The following SLC4A4 variants were observed in gnomAD, a reference collection of about 807,000 sequenced individuals.
SLC4A4 encodes solute carrier family 4 member 4.
SLC4A4 carries 27 observed loss-of-function variants against 111.5 expected under a neutral mutation model. The ratio of observed to expected loss-of-function variants is 0.24; its 90% confidence interval spans 0.18 to 0.33. The LOEUF (loss-of-function observed/expected upper bound fraction) is 0.33. Among genes scored for constraint, SLC4A4 ranks in the 10% least tolerant of loss-of-function variants. The probability of loss-of-function intolerance (pLI) is 1.00; values close to 1 mark genes in which losing one functional copy is unlikely to be tolerated. For missense variants in SLC4A4, 909 were observed against 1,315.5 expected, an observed-to-expected ratio of 0.69 and a Z score of 4.78; for synonymous variants, 443 against 463.4, an observed-to-expected ratio of 0.96 and a Z score of 0.57.
At chr4:71,545,831 A>G (rs764121329) in intron 18 of SLC4A4, among the ~76,000 whole-genome samples, 50 of 152,068 alleles carry the variant, frequency 3.3e-4, no homozygotes, top group Non-Finnish European at 5.7e-4. Context: ...AGCGCTGTCC[A>G]GTAGAGAAGG....
intron 18 of SLC4A4, among the ~76,000 whole-genome samples, chr4:71,539,275 A>G (rs1255242399): frequency 6.6e-6 from 1 of 151,946 alleles, no homozygotes; most frequent in African/African-American, 2.4e-5. Context: ...TCATTCCAAA[A>G]GCCTTCATTT....
intron 2 of SLC4A4, among the ~76,000 whole-genome samples, chr4:71,124,137 GA>G (rs1383022850): frequency 1.3e-5 from 2 of 150,936 alleles, no homozygotes; most frequent in Non-Finnish European, 2.9e-5. Context: ...AATAACCACA[GA>G]ACACATATCA....
chr4:71,524,034 T>G (rs1733199195), intron 16 of SLC4A4, among the ~76,000 whole-genome samples: 1 of 152,100 alleles, frequency 6.6e-6, no homozygotes, highest in Non-Finnish European at 1.5e-5. Flanking sequence ...TACCTTTCCG[T>G]AGCCTCTGTC....
At chr4:71,382,551 A>G (rs1036699940) in intron 6 of SLC4A4, among the ~76,000 whole-genome samples, 1 of 152,158 alleles carries the variant, frequency 6.6e-6, no homozygotes. Flanking sequence ...CTTACCTGGG[A>G]TATTGAAACA....
At chr4:71,443,116 C>CTCTCTCTCTCTCTCTATA (rs1198759861) in intron 8 of SLC4A4, among the ~76,000 whole-genome samples, 2 of 65,652 alleles carry the variant, frequency 3.0e-5, no homozygotes, top group South Asian at 5.3e-4. Context: ...CTCTCTCTCT[C>CTCTCTCTCTCTCTCTATA]TATATATATA....
At chr4:71,312,464 A>C (rs1293124059) in intron 3 of SLC4A4, among the ~76,000 whole-genome samples, 1 of 152,216 alleles carries the variant, frequency 6.6e-6, no homozygotes, top group African/African-American at 2.4e-5. Flanking sequence ...GCAGAGACAC[A>C]ACAAGAAAAG....
At chr4:71,277,410 C>T (rs1560839313) in intron 3 of SLC4A4, among the ~76,000 whole-genome samples, 1 of 151,968 alleles carries the variant, frequency 6.6e-6, no homozygotes, top group Non-Finnish European at 1.5e-5. Flanking sequence ...TGTTGAGTAT[C>T]TTTTTTGCCA....
chr4:71,557,973 G>C (rs1389049827), intron 22 of SLC4A4, 88 bp downstream of exon 22: 7 of 1,223,444 alleles, frequency 5.7e-6, no homozygotes, highest in Non-Finnish European at 6.0e-6. Context: ...TGTCTTTTAT[G>C]TGTTGTTCCA....
chr4:71,300,272 G>A lies in SLC4A4; in HGVS notation c.254-39098G>A, dbSNP rs980749557. On this transcript the variant is annotated intron_variant, in intron 3 of 25. Coordinates refer to ENST00000264485, the MANE Select transcript of SLC4A4 (RefSeq NM_001098484.3). ...AGGTCAGGGACTAGCGTCTGCCATA[G>A]CACGGGCACACGGCCAGGCTAATGA... is the stretch of plus-strand genomic sequence containing the variant. The A allele has an allele frequency of 3.3e-5, 7 of 210,782 alleles. No individual in the cohort carries two copies. In the South Asian group the frequency reaches 5.8e-4, roughly 17 times the overall value. 13.1% of individuals were successfully genotyped at this position (210,782 alleles called of 1,614,324 possible).
chr4:71,201,126 G>C (rs1346851611), intron 1 of SLC4A4, among the ~76,000 whole-genome samples: 1 of 152,176 alleles, frequency 6.6e-6, no homozygotes. Context: ...TGTGCAAGAA[G>C]TTTACTGGGA....
chr4:71,498,084 G>A (rs1463993043), intron 16 of SLC4A4, among the ~76,000 whole-genome samples: 1 of 152,132 alleles, frequency 6.6e-6, no homozygotes, highest in Non-Finnish European at 1.5e-5. Context: ...TTCAGCAGCT[G>A]TACATTTGAG....
At chr4:71,308,401 T>C (rs900437709) in intron 3 of SLC4A4, among the ~76,000 whole-genome samples, 1 of 152,186 alleles carries the variant, frequency 6.6e-6, no homozygotes, top group African/African-American at 2.4e-5. Context: ...TACTGGCACA[T>C]AATAGTCATT....
chr4:71,179,820 A>G (rs1205667336), intron 2 of SLC4A4, among the ~76,000 whole-genome samples: 1 of 152,198 alleles, frequency 6.6e-6, no homozygotes, highest in Non-Finnish European at 1.5e-5. Flanking sequence ...CAAGCTACCA[A>G]TGACTTTCTT....
At position 71,557,776 on chromosome 4, in the gene SLC4A4, G is replaced by A. The variant is rs762155173; in HGVS notation, c.2828G>A (p.Arg943His). The A allele has an allele frequency of 6.2e-6, 10 of 1,612,580 alleles. No individual in the cohort carries two copies. Among genetic ancestry groups the A allele is most frequent in the East Asian group, 4.5e-5 (2 of 44,742 alleles). The change falls in exon 22 of 26, where the codon CGT (arginine) becomes CAT (histidine). Residue 943 changes from arginine to histidine, a missense_variant. Transcript: ENST00000264485. Reference protein sequence around the residue: ...LKHQPDFIYLRHVPLRRVHLF... With the variant: ...LKHQPDFIYLHHVPLRRVHLF... ...CATCAGCCTGACTTCATCTACCTGC[G>A]TCATGTTCCTCTGCGCAGAGTCCAC...
At chr4:71,477,846 A>C (rs781281761) in intron 14 of SLC4A4, among the ~76,000 whole-genome samples, 68 of 152,068 alleles carry the variant, frequency 4.5e-4, no homozygotes, top group African/African-American at 1.6e-3. Context: ...AGAATTGTGC[A>C]GAAAATTTTT....
chr4:71,142,708 T>C (rs12509476), intron 2 of SLC4A4, among the ~76,000 whole-genome samples: 109,975 of 149,824 alleles, frequency 0.73, 42,149 homozygotes, highest in Admixed American at 0.84. Flanking sequence ...GAAAATATAG[T>C]AGAGTGAATG....
At chr4:71,523,655 CA>C (rs1034720686) in intron 16 of SLC4A4, among the ~76,000 whole-genome samples, 29 of 152,192 alleles carry the variant, frequency 1.9e-4, no homozygotes, top group African/African-American at 6.3e-4. Context: ...GAAAAGTCAA[CA>C]ACATTGAAAT....
In SLC4A4 at chr4:71,564,288, G is replaced by A. The variant is rs147859060; in HGVS notation, c.3196+399G>A. On this transcript the variant is annotated intron_variant, in intron 24 of 25. Transcript: ENST00000264485. ...ATCAAATCAGCTCAAAAGAGAAATT[G>A]CATCATTGGTCTCTCAGTGATCAAT... 7.5e-3 allele frequency among the ~76,000 whole-genome samples: 1,142 copies of A among 151,618 alleles called. 13 individuals carry two copies. The highest frequency in any genetic ancestry group is 0.026 in the African/African-American group (1,072 of 41,376).
At position 71,284,812 on chromosome 4, in the gene SLC4A4, TG is replaced by T. The variant is rs1723785970; in HGVS notation, c.253+29414del. Among the ~76,000 whole-genome samples, 3 of 152,344 alleles carry T rather than the reference TG, an allele frequency of 2.0e-5. No individual in the cohort carries two copies. The South Asian group carries it at 6.2e-4, about 32-fold the overall frequency. On this transcript the variant is annotated intron_variant, in intron 3 of 25. Transcript: ENST00000264485. Reference sequence around the variant, plus strand: ...ATCTGTATTCTTACATTTTGGGTTCTGCTGATTATTTTGAGCTTTATGTTGT... The same window carrying T: ...ATCTGTATTCTTACATTTTGGGTTCTCTGATTATTTTGAGCTTTATGTTGT...
Sources: allele counts gnomAD v4.1 joint callset (sites outside exome capture counted in the v4.1 genomes callset), GRCh38; gene constraint gnomAD v4.1.1; transcripts MANE v1.5; gene names NCBI Gene and HGNC (gene_info 2026-07-23, HGNC 2026-07-21).